MTFR1: variants seen among roughly 807,000 people sequenced by gnomAD.
MTFR1 encodes mitochondrial fission regulator 1, also known as chondrocyte protein with a poly-proline region.
A neutral mutation model predicts 38.8 loss-of-function variants in MTFR1; 28 were observed. The observed-to-expected ratio is 0.72, with a 90% confidence interval of 0.53 to 0.99. The LOEUF is 0.99. MTFR1 is among the 50% of genes least tolerant of loss of function. The pLI, the probability that MTFR1 is intolerant of heterozygous loss-of-function variation, is 0.00. For synonymous variants in MTFR1, 145 were observed against 137.0 expected (o/e 1.06, Z -0.41); for missense variants, 358 against 395.5 (o/e 0.91, Z 0.81).
chr8:65,752,137 G>A (rs1215875430), intron 3 of MTFR1, among the ~76,000 whole-genome samples: 2 of 152,166 alleles, frequency 1.3e-5, no homozygotes, highest in Non-Finnish European at 2.9e-5. Context: ...ATTGCACGAG[G>A]AAGTCACTCT....
At chr8:65,737,799 G>A (rs553901644) in intron 3 of MTFR1, among the ~76,000 whole-genome samples, 12 of 152,282 alleles carry the variant, frequency 7.9e-5, no homozygotes, top group South Asian at 2.1e-4. Context: ...GATTACAGGC[G>A]TGAGCCACCA....
At chr8:65,727,102 T>C in intron 3 of MTFR1, 13 of 1,105,864 alleles carry the variant, frequency 1.2e-5, no homozygotes, top group Non-Finnish European at 1.6e-5. Context: ...TTACTTTCAT[T>C]TCTTCAAAAT....
At chr8:65,649,563 G>T (rs187144009) in intron 1 of MTFR1, among the ~76,000 whole-genome samples, 1 of 152,082 alleles carries the variant, frequency 6.6e-6, no homozygotes, top group Non-Finnish European at 1.5e-5. Flanking sequence ...TTTAATACAG[G>T]CATATAATGT....
chr8:65,752,350 T>A (rs935192556), intron 3 of MTFR1, among the ~76,000 whole-genome samples: 9 of 152,246 alleles, frequency 5.9e-5, no homozygotes, highest in Middle Eastern at 3.2e-3. Flanking sequence ...TAAGTGCTCA[T>A]GAAAACAAAA....
intron 4 of MTFR1, among the ~76,000 whole-genome samples, chr8:65,694,825 T>C (rs1195706582): frequency 2.0e-5 from 3 of 152,068 alleles, no homozygotes; most frequent in African/African-American, 7.2e-5. Context: ...GCCAAGTAAA[T>C]GGAAGGCTGG....
At chr8:65,730,548 C>T (rs1482643760) in intron 3 of MTFR1, among the ~76,000 whole-genome samples, 3 of 152,078 alleles carry the variant, frequency 2.0e-5, no homozygotes, top group Admixed American at 2.0e-4. Flanking sequence ...GAAACCATCC[C>T]CCTCCCCATC....
chr8:65,757,719 A>G (rs552777126), intron 3 of MTFR1, among the ~76,000 whole-genome samples: 3 of 152,232 alleles, frequency 2.0e-5, no homozygotes, highest in Admixed American at 1.3e-4. Flanking sequence ...CCCGGGTCCA[A>G]GTGATTCTTC....
chr8:65,689,142 C>A (rs1039950119), intron 3 of MTFR1, among the ~76,000 whole-genome samples: 3 of 152,154 alleles, frequency 2.0e-5, no homozygotes, highest in African/African-American at 7.2e-5. Context: ...AAGACTTGGT[C>A]TCAAAAACAA....
chr8:65,699,820 A>G (rs1435404016), intron 4 of MTFR1, among the ~76,000 whole-genome samples: 1 of 152,104 alleles, frequency 6.6e-6, no homozygotes, highest in African/African-American at 2.4e-5. Context: ...TCTATTTAAG[A>G]CTGTTCATAT....
chr8:65,699,233 A>C (rs191683114), intron 4 of MTFR1, among the ~76,000 whole-genome samples: 22 of 152,220 alleles, frequency 1.4e-4, no homozygotes, highest in African/African-American at 4.8e-4. Context: ...TTCTTTATCC[A>C]GTCTACCACT....
chr8:65,772,467 T>C (rs1255445793), downstream of MTFR1, among the ~76,000 whole-genome samples: 1 of 152,194 alleles, frequency 6.6e-6, no homozygotes, highest in African/African-American at 2.4e-5. Flanking sequence ...AGGAAGTGAA[T>C]GGGTTTGTGG....
intron 2 of MTFR1, among the ~76,000 whole-genome samples, chr8:65,676,445 C>T (rs1287842887): frequency 6.6e-6 from 1 of 152,120 alleles, no homozygotes; most frequent in Admixed American, 6.6e-5. Flanking sequence ...CTCACTGTAG[C>T]CTCTGCCTCC....
rs1251728679 is a variant in MTFR1 at position 65,708,166 on chromosome 8, G to A, written c.933+155G>A. ...CTGCCTTACAAGTAGATCACGGCTG[G>A]TTGGGAAAAGGATGACATCTTTGCT... On this transcript the variant is annotated intron_variant, in intron 7 of 7. Coordinates refer to ENST00000262146, the MANE Select transcript of MTFR1 (RefSeq NM_014637.4). 5 of 1,458,280 alleles carry A rather than the reference G, an allele frequency of 3.4e-6. No individual in the cohort carries two copies. In the East Asian group the frequency reaches 9.5e-5, roughly 28 times the overall value. The allele number at this position is 1,458,280 out of a possible 1,614,324, so 90.3% of individuals were successfully genotyped here.
At chr8:65,745,214 T>C (rs1193784882) in intron 3 of MTFR1, among the ~76,000 whole-genome samples, 1 of 152,216 alleles carries the variant, frequency 6.6e-6, no homozygotes, top group Non-Finnish European at 1.5e-5. Context: ...TATGAGTCCA[T>C]TAAACCTCTT....
chr8:65,668,415 T>C (rs1452182420), intron 1 of MTFR1, among the ~76,000 whole-genome samples: 1 of 151,006 alleles, frequency 6.6e-6, no homozygotes, highest in Non-Finnish European at 1.5e-5. Context: ...CTCAAACTCC[T>C]GACCTCAAGT....
intron 3 of MTFR1, among the ~76,000 whole-genome samples, chr8:65,770,345 G>C (rs757507365): frequency 5.9e-5 from 9 of 152,204 alleles, no homozygotes; most frequent in Non-Finnish European, 8.8e-5. Context: ...CTCATAATCA[G>C]GGCAGAAGGC....
intron 4 of MTFR1, among the ~76,000 whole-genome samples, chr8:65,694,965 G>T (rs908341262): frequency 6.6e-6 from 1 of 152,204 alleles, no homozygotes; most frequent in South Asian, 2.1e-4. Context: ...AGATGAGGAC[G>T]AGAAGTAGGT....
At position 65,763,561 on chromosome 8, in the gene MTFR1, G is replaced by A. The variant is rs576896618; in HGVS notation, c.*49-7386G>A. The stretch of plus-strand genomic sequence containing the variant: ...ACCTGGGCAACAAGAGTGAAACTCC[G>A]TCTCAAAAAAAAAAAGATTGATTAC... On this transcript the variant is annotated intron_variant, in intron 3 of 3. Transcript: ENST00000521247. 6.7e-5 allele frequency among the ~76,000 whole-genome samples: 8 copies of A among 119,710 alleles called. No homozygotes were observed. The East Asian group carries it at 8.1e-4, about 12-fold the overall frequency. The allele number at this position is 119,710 out of a possible 152,430, so 78.5% of individuals were successfully genotyped here.
At chr8:65,767,514 A>G (rs1166568851) in intron 3 of MTFR1, among the ~76,000 whole-genome samples, 1 of 152,160 alleles carries the variant, frequency 6.6e-6, no homozygotes, top group Admixed American at 6.5e-5. Flanking sequence ...CAATCTCTCC[A>G]ATATTCTCCT....
Sources: gnomAD v4.1 joint callset for allele counts (sites outside exome capture counted in the v4.1 genomes callset) on GRCh38, gnomAD v4.1.1 for gene constraint, MANE v1.5 for transcripts, NCBI Gene and HGNC (gene_info 2026-07-23, HGNC 2026-07-21) for gene names.